The following RPP30 variants were observed in gnomAD, a reference collection of about 807,000 sequenced individuals.
RPP30 encodes ribonuclease P/MRP subunit p30.
A neutral mutation model predicts 38.6 loss-of-function variants in RPP30; 36 were observed. That is an observed-to-expected ratio of 0.93 (90% CI 0.71 to 1.23). The LOEUF is 1.23. Among genes scored for constraint, RPP30 ranks in the 50% most tolerant of loss-of-function variants. The pLI is 0.00. For missense variants in RPP30, 321 were observed against 321.7 expected (o/e 1.00, Z 0.02); for synonymous variants, 126 against 112.7 (o/e 1.12, Z -0.75).
At chr10:90,875,419 T>G in intron 2 of RPP30, 139 bp from the exon 3 acceptor site, 1 of 657,972 alleles carries the variant, frequency 1.5e-6, no homozygotes, top group Non-Finnish European at 2.6e-6. Flanking sequence ...TTTTAAAAGT[T>G]TTTTTGAATA....
downstream of RPP30, chr10:90,903,225 C>T (rs1451825898): frequency 4.4e-6 from 7 of 1,609,164 alleles, no homozygotes; most frequent in Non-Finnish European, 6.0e-6. Context: ...CTTTTGATCT[C>T]TCATCAGAGA....
Position 90,872,081 on chromosome 10 carries a change from G to T in RPP30, c.82+13G>T. 6.2e-7 allele frequency: 1 copy of T among 1,612,816 alleles called. No homozygotes were observed. Among genetic ancestry groups the T allele is most frequent in the Non-Finnish European group, 8.5e-7 (1 of 1,178,796 alleles). Reference sequence around the variant, plus strand: ...ACAGCCGCTCACCGTGAGTTGCCCCGGCTTCGCGCCTGGCCAACCTCATGC... The same window carrying T: ...ACAGCCGCTCACCGTGAGTTGCCCCTGCTTCGCGCCTGGCCAACCTCATGC... On this transcript the variant is annotated intron_variant, in intron 1 of 10. Coordinates refer to ENST00000371703, the MANE Select transcript of RPP30 (RefSeq NM_006413.5).
In RPP30 at chr10:90,879,034, G is replaced by A. The variant is rs780305589; in HGVS notation, c.271-29G>A. 46 of 1,576,868 alleles carry A rather than the reference G, an allele frequency of 2.9e-5. 1 individual carries two copies. In the South Asian group the frequency reaches 4.8e-4, roughly 16 times the overall value. ...TTTCATGTGTATGGATTTTGTTATTGTATGATAACATTCTTTTTGTATTCC... is the reference window on the plus strand; with the variant it reads ...TTTCATGTGTATGGATTTTGTTATTATATGATAACATTCTTTTTGTATTCC... On this transcript the variant is annotated intron_variant, in intron 4 of 10. Transcript: ENST00000371703.
chr10:90,872,093 G>A (rs753946427), intron 1 of RPP30, 25 bp downstream of exon 1: 4 of 1,602,268 alleles, frequency 2.5e-6, no homozygotes, highest in Non-Finnish European at 3.4e-6. Flanking sequence ...CTTCGCGCCT[G>A]GCCAACCTCA....
At chr10:90,885,387 CAATA>C (rs1457558056) in intron 5 of RPP30, among the ~76,000 whole-genome samples, 1 of 152,188 alleles carries the variant, frequency 6.6e-6, no homozygotes, top group Admixed American at 6.5e-5. Flanking sequence ...CAGAGTTGCT[CAATA>C]AATAGTGTGT....
Position 90,895,468 on chromosome 10 carries a change from T to C in RPP30, c.564T>C (p.Ser188=). 7.0e-7 allele frequency: 1 copy of C among 1,423,982 alleles called. No homozygotes were observed. The allele number at this position is 1,423,982 out of a possible 1,614,324, so 88.2% of individuals were successfully genotyped here. ...QICKGKNVII[S]SAAERPLEIR... ...CTATTTTGTAGAATGTAATTATATCTAGTGCTGCAGAAAGGGTAAGTCTAG... is the reference window on the plus strand; with the variant it reads ...CTATTTTGTAGAATGTAATTATATCCAGTGCTGCAGAAAGGGTAAGTCTAG... The change falls in exon 8 of 11, where the codon TCT becomes TCC. Residue 188 remains serine (S), a synonymous_variant. Transcript: ENST00000371703.
chr10:90,893,212 C>G (rs892006566), intron 6 of RPP30, among the ~76,000 whole-genome samples: 2 of 152,034 alleles, frequency 1.3e-5, no homozygotes, highest in Admixed American at 6.5e-5. Flanking sequence ...AATCTGTGTT[C>G]GGGAGGGAAA....
intron 1 of RPP30, among the ~76,000 whole-genome samples, chr10:90,873,694 TA>T (rs1489125121): frequency 2.0e-5 from 3 of 152,162 alleles, no homozygotes; most frequent in African/African-American, 7.2e-5. Context: ...TAAATGGGTA[TA>T]ACAAGGAAGT....
At chr10:90,894,745 CTCTG>C (rs1434642601) in intron 6 of RPP30, 26 bp from the exon 7 acceptor site, 1 of 1,507,698 alleles carries the variant, frequency 6.6e-7, no homozygotes, top group Non-Finnish European at 9.2e-7. Context: ...GCATGCTTAT[CTCTG>C]ACAGTTCTCT....
intron 6 of RPP30, among the ~76,000 whole-genome samples, chr10:90,890,278 GAGA>G (rs1263731121): frequency 1.3e-5 from 2 of 152,216 alleles, no homozygotes; most frequent in Admixed American, 6.5e-5. Context: ...TTCAGGTTGT[GAGA>G]AGAAGGATGT....
chr10:90,901,552 TTTAG>T lies in RPP30; in HGVS notation c.*878_*881del, dbSNP rs1847203344. 1.0e-6 allele frequency: 1 copy of T among 985,232 alleles called. No homozygotes were observed. Among genetic ancestry groups the T allele is most frequent in the Admixed American group, 6.1e-5 (1 of 16,264 alleles). 61.0% of individuals were successfully genotyped at this position (985,232 alleles called of 1,614,324 possible). On this transcript the variant is annotated 3_prime_UTR_variant, in exon 11 of 11. Coordinates refer to ENST00000371703, the MANE Select transcript of RPP30 (RefSeq NM_006413.5). ...GGTCTTTGAAATAGGATTCCTTACT[TTTAG>T]TTAGAAACCCCTAAAACGCTAATAT...
At chr10:90,897,368 G>A (rs1005325281) in intron 10 of RPP30, among the ~76,000 whole-genome samples, 2 of 152,148 alleles carry the variant, frequency 1.3e-5, no homozygotes, top group South Asian at 2.1e-4. Flanking sequence ...TGTGTGTTGG[G>A]CTTTATTGAT....
At chr10:90,882,490 C>A (rs557549140) in intron 5 of RPP30, among the ~76,000 whole-genome samples, 12 of 149,582 alleles carry the variant, frequency 8.0e-5, no homozygotes, top group African/African-American at 2.7e-4. Flanking sequence ...GGTGAAACCC[C>A]GACTCCACTA....
downstream of RPP30, among the ~76,000 whole-genome samples, chr10:90,906,954 T>G (rs1470401776): frequency 5.9e-5 from 9 of 152,146 alleles, no homozygotes; most frequent in African/African-American, 1.9e-4. Context: ...ACTTAAAAAT[T>G]TCCCCCAACG....
intron 5 of RPP30, among the ~76,000 whole-genome samples, chr10:90,884,250 A>G (rs907417982): frequency 3.3e-5 from 5 of 152,204 alleles, no homozygotes; most frequent in Admixed American, 2.6e-4. Flanking sequence ...AGACTTCTCT[A>G]TAGGAGACTC....
intron 5 of RPP30, among the ~76,000 whole-genome samples, chr10:90,880,340 C>G (rs1241847599): frequency 6.7e-6 from 1 of 148,490 alleles, no homozygotes; most frequent in African/African-American, 2.6e-5. Flanking sequence ...TCAAGACATA[C>G]TGTCAATTCT....
intron 8 of RPP30, 28 bp from the exon 9 acceptor site, chr10:90,895,852 T>C: frequency 6.5e-7 from 1 of 1,526,842 alleles, no homozygotes; most frequent in Non-Finnish European, 9.0e-7. Flanking sequence ...AATTTTCTCA[T>C]ATCTACTCTT....
intron 10 of RPP30, 46 bp from the exon 11 acceptor site, chr10:90,900,524 T>C (rs1190324433): frequency 6.4e-7 from 1 of 1,568,982 alleles, no homozygotes; most frequent in Non-Finnish European, 8.7e-7. Flanking sequence ...TCATTTTAAA[T>C]TATGTCTTAA....
intron 1 of RPP30, 107 bp downstream of exon 1, chr10:90,872,175 T>C (rs1403299952): frequency 1.4e-5 from 13 of 944,658 alleles, no homozygotes; most frequent in Middle Eastern, 2.1e-4. Context: ...TCTCCCAGAG[T>C]CTCTGGGATG....
Sources: gnomAD v4.1 joint callset for allele counts (sites outside exome capture counted in the v4.1 genomes callset) on GRCh38, gnomAD v4.1.1 for gene constraint, MANE v1.5 for transcripts, NCBI Gene and HGNC (gene_info 2026-07-23, HGNC 2026-07-21) for gene names.